The following UTP20 variants were observed in gnomAD, a reference collection of about 807,000 sequenced individuals.
UTP20 encodes the protein UTP20 small subunit processome component.
In UTP20, 164 loss-of-function variants were observed where a neutral mutation model predicts 329.5. The observed-to-expected ratio is 0.50, with a 90% CI of 0.44 to 0.57. UTP20 has a LOEUF of 0.57. Ranked by LOEUF, UTP20 falls within the 20% of genes least tolerant of loss-of-function variation. The pLI is 0.00. For missense variants in UTP20, 3,055 were observed against 3,284.2 expected, an observed-to-expected ratio of 0.93 and a Z score of 1.71; for synonymous variants, 1,151 against 1,159.3, an observed-to-expected ratio of 0.99 and a Z score of 0.14.
Position 101,338,143 on chromosome 12 carries a change from C to G in UTP20, c.3734C>G (p.Ser1245Cys), listed in dbSNP as rs1317502247. ...VFAILSAKNL[S>C]DATASIVMDI... is the part of the protein sequence containing the mutation. ...GCAATTCTCTCAGCGAAGAATCTTT[C>G]TGATGCCACAGCCAGTATTGTAATG... Residue 1245 changes from serine (S) to cysteine (C), a missense_variant, in exon 30 of 62, where the codon TCT becomes TGT. By Grantham distance (112) the Ser-to-Cys change is moderately radical. Coordinates refer to ENST00000261637, the MANE Select transcript of UTP20 (RefSeq NM_014503.3). 6.2e-7 allele frequency: 1 copy of G among 1,614,052 alleles called. No individual in the cohort carries two copies. Among genetic ancestry groups the G allele is most frequent in the Non-Finnish European group, 8.5e-7 (1 of 1,180,034 alleles).
intron 38 of UTP20, among the ~76,000 whole-genome samples, chr12:101,350,867 G>GT (rs1869494744): frequency 6.6e-6 from 1 of 152,078 alleles, no homozygotes; most frequent in African/African-American, 2.4e-5. Flanking sequence ...GGCTTGCTCT[G>GT]TGCAGCTTTC....
At chr12:101,312,389 G>A in intron 21 of UTP20, 113 bp downstream of exon 21, 1 of 1,406,586 alleles carries the variant, frequency 7.1e-7, no homozygotes, top group Non-Finnish European at 9.5e-7. Flanking sequence ...CTTTCTTTCT[G>A]CTTCCAATCA....
chr12:101,370,400 C>T, intron 49 of UTP20, 32 bp from the exon 50 acceptor site: 1 of 1,600,698 alleles, frequency 6.2e-7, no homozygotes, highest in Non-Finnish European at 8.5e-7. Flanking sequence ...GTGGGATGTG[C>T]TGGCTGTTAA....
In UTP20 at chr12:101,372,733, G is replaced by T. The variant is rs889585327; in HGVS notation, c.6799-151G>T. 4.1e-5 allele frequency: 25 copies of T among 616,816 alleles called. No homozygotes were observed. The highest frequency in any genetic ancestry group is 6.1e-5 in the Non-Finnish European group (21 of 346,764). The allele number at this position is 616,816 out of a possible 1,614,324, so 38.2% of individuals were successfully genotyped here. A position where few individuals can be genotyped will look rare whatever the true frequency, so the allele number is the denominator to read the frequency against. ...GGTCACAGTTGCTATTGACTTCATA[G>T]GCAGATTTAGCTGGAGTGCATTGGA... On this transcript the variant is annotated intron_variant, in intron 51 of 61. Coordinates refer to ENST00000261637, the MANE Select transcript of UTP20 (RefSeq NM_014503.3).
In UTP20 at chr12:101,338,243, A is replaced by G. The variant is rs1868998374; in HGVS notation, c.3834A>G (p.Gly1278=). Residue 1278 remains glycine, a synonymous_variant, in exon 30 of 62, where the codon GGA becomes GGG. Coordinates refer to ENST00000261637, the MANE Select transcript of UTP20 (RefSeq NM_014503.3). Reference sequence around the variant, plus strand: ...CAGTTTTGAACTTGCTGGTAACTGGATGTGTATACCCTGGCATAGCAGAAA... The same window carrying G: ...CAGTTTTGAACTTGCTGGTAACTGGGTGTGTATACCCTGGCATAGCAGAAA... ...TETVLNLLVT[G]CVYPGIAENI... 3 of 1,614,164 alleles carry G rather than the reference A, an allele frequency of 1.9e-6. No homozygotes were observed. The highest frequency in any genetic ancestry group is 1.7e-6 in the Non-Finnish European group (2 of 1,180,024).
intron 14 of UTP20, among the ~76,000 whole-genome samples, chr12:101,301,069 A>T (rs1872508779): frequency 6.6e-6 from 1 of 152,086 alleles, no homozygotes; most frequent in Non-Finnish European, 1.5e-5. Context: ...TTTTTAAACA[A>T]CCCCTTCAAA....
At chr12:101,297,049 T>C (rs995531421) in intron 12 of UTP20, among the ~76,000 whole-genome samples, 58 of 152,086 alleles carry the variant, frequency 3.8e-4, no homozygotes, top group Non-Finnish European at 5.4e-4. Flanking sequence ...TTGGTTTGCT[T>C]TGAGGCGGAA....
chr12:101,320,912 A>G lies in UTP20; in HGVS notation c.2890A>G (p.Lys964Glu), dbSNP rs748782603. 20 of 1,610,912 alleles carry G rather than the reference A, an allele frequency of 1.2e-5. No homozygotes were observed. Among genetic ancestry groups the G allele is most frequent in the Non-Finnish European group, 1.7e-5 (20 of 1,179,416 alleles). The change falls in exon 24 of 62, where the codon AAA becomes GAA. Residue 964 changes from lysine (K) to glutamate (E), a missense_variant. Lys to Glu is a moderately conservative substitution (Grantham distance 56, BLOSUM62 1). Coordinates refer to ENST00000261637, the MANE Select transcript of UTP20 (RefSeq NM_014503.3). ...KITLDCIMTY[K>E]HPHVLPYREN... ...AACCTTGGATTGCATAATGACATAT[A>G]AACATCCTCATGTCCTCCCTTACAG...
At chr12:101,318,973 C>G in intron 22 of UTP20, among the ~76,000 whole-genome samples, 1 of 152,068 alleles carries the variant, frequency 6.6e-6, no homozygotes, top group East Asian at 1.9e-4. Flanking sequence ...TTATGGCCAG[C>G]CTTCATGTCA....
chr12:101,295,046 A>G, intron 11 of UTP20, among the ~76,000 whole-genome samples: 1 of 152,052 alleles, frequency 6.6e-6, no homozygotes, highest in East Asian at 1.9e-4. Context: ...GTCTAAATGC[A>G]TTGCTTTCTC....
At position 101,295,400 on chromosome 12, in the gene UTP20, T is replaced by C. The variant is rs556972231; in HGVS notation, c.1252-80T>C. On this transcript the variant is annotated intron_variant, in intron 11 of 61. Transcript: ENST00000261637. ...ATTGTGATTCTTGATCCTTTGTTTT[T>C]GGTCTAGTTTTTTGAATTGTTAGCA... 6.2e-6 allele frequency: 8 copies of C among 1,289,014 alleles called. No homozygotes were observed. In the African/African-American group the frequency reaches 1.0e-4, roughly 17 times the overall value. The allele number at this position is 1,289,014 out of a possible 1,614,324, so 79.8% of individuals were successfully genotyped here. A position where few individuals can be genotyped will look rare whatever the true frequency, so the allele number is the denominator to read the frequency against.
chr12:101,346,326 A>G (rs1869322294), intron 37 of UTP20, 125 bp from the exon 38 acceptor site: 3 of 1,153,630 alleles, frequency 2.6e-6, no homozygotes, highest in South Asian at 3.6e-5. Flanking sequence ...CTAGGATTAC[A>G]GGCATGAGCC....
rs142957101 is a variant in UTP20 at position 101,298,060 on chromosome 12, T to G, written c.1431-1622T>G. ...AGTTTGAATATTACTAGTAACACTC[T>G]ATCTACCCATCTCACCAGTTTGCTG... On this transcript the variant is annotated intron_variant, in intron 12 of 61. Coordinates refer to ENST00000261637, the MANE Select transcript of UTP20 (RefSeq NM_014503.3). Among the ~76,000 whole-genome samples the G allele has an allele frequency of 1.2e-4, 19 of 152,348 alleles. 1 individual carries two copies. Among genetic ancestry groups the G allele is most frequent in the African/African-American group, 4.6e-4 (19 of 41,578 alleles).
intron 50 of UTP20, among the ~76,000 whole-genome samples, 196 bp downstream of exon 50, chr12:101,370,759 A>T (rs1246951531): frequency 6.6e-6 from 1 of 152,240 alleles, no homozygotes; most frequent in Non-Finnish European, 1.5e-5. Flanking sequence ...GCTCTGTATT[A>T]ACATTTCCGG....
chr12:101,321,227 A>G (rs972742744), intron 24 of UTP20, among the ~76,000 whole-genome samples: 1 of 152,214 alleles, frequency 6.6e-6, no homozygotes, highest in African/African-American at 2.4e-5. Flanking sequence ...AGAGAATCAA[A>G]GTCACTCTAA....
intron 55 of UTP20, 38 bp downstream of exon 55, chr12:101,374,977 A>G (rs904379870): frequency 6.6e-7 from 1 of 1,524,350 alleles, no homozygotes; most frequent in African/African-American, 1.4e-5. Context: ...TTTCTAACTT[A>G]TAGTTTTACT....
chr12:101,295,809 A>G (rs1477658308), intron 12 of UTP20, 151 bp downstream of exon 12: 1 of 788,634 alleles, frequency 1.3e-6, no homozygotes, highest in Non-Finnish European at 1.9e-6. Flanking sequence ...AGCTACACAC[A>G]TAGTACGTAT....
At position 101,331,180 on chromosome 12, in the gene UTP20, T is replaced by G. The variant is rs557396451; in HGVS notation, c.3417+1731T>G. On this transcript the variant is annotated intron_variant, in intron 27 of 61. Coordinates refer to ENST00000261637, the MANE Select transcript of UTP20 (RefSeq NM_014503.3). ...GCTCATTTTCAGGATTTTTCTCTAG[T>G]TTATTCAACAATTATTGAGTAAATT... Among the ~76,000 whole-genome samples the G allele has an allele frequency of 9.2e-5, 14 of 152,304 alleles. No individual in the cohort carries two copies. The South Asian group carries it at 2.7e-3, about 29-fold the overall frequency.
At chr12:101,300,333 G>C (rs187248649) in intron 14 of UTP20, among the ~76,000 whole-genome samples, 22 of 152,234 alleles carry the variant, frequency 1.4e-4, no homozygotes, top group Non-Finnish European at 2.9e-4. Flanking sequence ...CCCCATACCA[G>C]GTCCTCTTTT....
Sources: allele counts gnomAD v4.1 joint callset (sites outside exome capture counted in the v4.1 genomes callset), GRCh38; gene constraint gnomAD v4.1.1; transcripts MANE v1.5; gene names NCBI Gene and HGNC (gene_info 2026-07-23, HGNC 2026-07-21).